KIAA1191: variants seen among roughly 807,000 people sequenced by gnomAD.
KIAA1191 encodes the protein putative monooxygenase p33MONOX.
In KIAA1191, 22 loss-of-function variants were observed where a neutral mutation model predicts 31.1. The observed-to-expected ratio is 0.71, with a 90% confidence interval of 0.51 to 1.01. The LOEUF (loss-of-function observed/expected upper bound fraction) is 1.01. Among genes scored for constraint, KIAA1191 ranks in the 50% least tolerant of loss-of-function variants. The probability of loss-of-function intolerance (pLI) is 0.00; values close to 1 mark genes in which losing one functional copy is unlikely to be tolerated. For missense variants in KIAA1191, 319 were observed against 388.0 expected, an observed-to-expected ratio of 0.82 and a Z score of 1.49; for synonymous variants, 130 against 143.9, an observed-to-expected ratio of 0.90 and a Z score of 0.69.
In KIAA1191 at chr5:176,347,522, T is replaced by G; in HGVS notation, c.*78A>C. ...AGCTGATTAAGTTTTTAAATATACC[T>G]TTCCTATGTCAAAGCCAAGGTAAAA... is the stretch of plus-strand genomic sequence containing the variant. On this transcript the variant is annotated 3_prime_UTR_variant, in exon 9 of 9. Coordinates refer to ENST00000298569, the MANE Select transcript of KIAA1191 (RefSeq NM_020444.5). 1 of 1,202,554 alleles carries G rather than the reference T, an allele frequency of 8.3e-7. No homozygotes were observed. Among genetic ancestry groups the G allele is most frequent in the South Asian group, 1.9e-5 (1 of 52,466 alleles). 74.5% of individuals were successfully genotyped at this position (1,202,554 alleles called of 1,614,324 possible).
At position 176,355,777 on chromosome 5, in the gene KIAA1191, G is replaced by C; in HGVS notation, c.29-28C>G. The C allele has an allele frequency of 6.2e-7, 1 of 1,609,504 alleles. No individual in the cohort carries two copies. Among genetic ancestry groups the C allele is most frequent in the East Asian group, 2.2e-5 (1 of 44,856 alleles). ...AAGAACAGAGACACCTGTCAAGACA[G>C]GTTCAGCAACTGGACATACTAGCAG... On this transcript the variant is annotated intron_variant, in intron 3 of 8. Transcript: ENST00000298569. This position sits in a 1 kb window ranked among gnomAD's most constrained non-coding sequence, Gnocchi z 4.2.
intron 5 of KIAA1191, among the ~76,000 whole-genome samples, chr5:176,352,173 A>C (rs1043494068): frequency 1.3e-4 from 19 of 151,642 alleles, no homozygotes; most frequent in East Asian, 7.7e-4. Context: ...AAAAACAAAA[A>C]AAAAAACAAA....
At chr5:176,358,881 G>A (rs2335414) in intron 3 of KIAA1191, among the ~76,000 whole-genome samples, 30,116 of 151,790 alleles carry the variant, frequency 0.2, 3,057 homozygotes, top group Middle Eastern at 0.29. Flanking sequence ...TCAAGAAATC[G>A]AGACCATCCT....
intron 5 of KIAA1191, 59 bp downstream of exon 5, chr5:176,352,563 G>A: frequency 6.3e-7 from 1 of 1,578,708 alleles, no homozygotes; most frequent in Middle Eastern, 2.1e-4. Context: ...CAGCTTGTAG[G>A]AAGCCTCAAC....
chr5:176,353,983 A>G (rs1767270264), intron 4 of KIAA1191, among the ~76,000 whole-genome samples: 2 of 152,216 alleles, frequency 1.3e-5, no homozygotes, highest in South Asian at 4.1e-4. Flanking sequence ...TGATAGAGGG[A>G]ATATCCCCCA....
rs1767985742 is a variant in KIAA1191 at position 176,361,283 on chromosome 5, A to G, written c.-168+319T>C. ...AAGATTAGGGCCAGGACCCTAGCCG[A>G]AGGCGGGGTGTGGGGAGATGAGGTT... is the stretch of plus-strand genomic sequence containing the variant. On this transcript the variant is annotated intron_variant, in intron 1 of 8. Transcript: ENST00000298569. The surrounding 1 kb of genome is among the most constrained non-coding windows in gnomAD (Gnocchi z 4.0). 1 of 152,368 alleles carries G rather than the reference A, an allele frequency of 6.6e-6. No homozygotes were observed. Among genetic ancestry groups the G allele is most frequent in the South Asian group, 2.1e-4 (1 of 4,844 alleles). 9.4% of individuals were successfully genotyped at this position (152,368 alleles called of 1,614,324 possible).
At position 176,361,617 on chromosome 5, in the gene KIAA1191, C is replaced by G. The variant is rs1236114769; in HGVS notation, c.-183G>C. The G allele has an allele frequency of 6.6e-6, 1 of 152,382 alleles. No individual in the cohort carries two copies. Among genetic ancestry groups the G allele is most frequent in the Non-Finnish European group, 1.5e-5 (1 of 68,162 alleles). The allele number at this position is 152,382 out of a possible 1,614,324, so 9.4% of individuals were successfully genotyped here. A position where few individuals can be genotyped will look rare whatever the true frequency, so the allele number is the denominator to read the frequency against. On this transcript the variant is annotated 5_prime_UTR_variant, in exon 1 of 9. Coordinates refer to ENST00000298569, the MANE Select transcript of KIAA1191 (RefSeq NM_020444.5). This position sits in a 1 kb window ranked among gnomAD's most constrained non-coding sequence, Gnocchi z 4.0. The stretch of plus-strand genomic sequence containing the variant: ...ATCTGTTCACCTGTGATCCTGCTGC[C>G]GCGGGACTGCCTGCGGCCCGGAGTC...
At chr5:176,360,117 A>C (rs539268430) in intron 1 of KIAA1191, among the ~76,000 whole-genome samples, 199 bp from the exon 2 acceptor site, 1 of 152,126 alleles carries the variant, frequency 6.6e-6, no homozygotes, top group East Asian at 1.9e-4. Flanking sequence ...TCCTTGCAGC[A>C]AGATGGCAAA....
At chr5:176,350,510 TC>T in intron 6 of KIAA1191, 102 bp downstream of exon 6, 1 of 1,426,334 alleles carries the variant, frequency 7.0e-7, no homozygotes. Context: ...CGAGACTAAC[TC>T]CACAGCCCCC....
At chr5:176,353,320 T>C (rs2113483985) in intron 4 of KIAA1191, 1 of 152,388 alleles carries the variant, frequency 6.6e-6, no homozygotes, top group Admixed American at 6.5e-5. Flanking sequence ...GTTCAAGTAA[T>C]GGTCTTTTGA....
At position 176,359,799 on chromosome 5, in the gene KIAA1191, A is replaced by G. The variant is rs1327948511; in HGVS notation, c.-60+12T>C. On this transcript the variant is annotated intron_variant, in intron 2 of 8. Coordinates refer to ENST00000298569, the MANE Select transcript of KIAA1191 (RefSeq NM_020444.5). Reference sequence around the variant, plus strand: ...AGCTAAGATGCCATACATGGTGAAAAAGTCACCTTACCACAGTGAAATGAT... The same window carrying G: ...AGCTAAGATGCCATACATGGTGAAAGAGTCACCTTACCACAGTGAAATGAT... 6.0e-6 allele frequency: 2 copies of G among 333,754 alleles called. No individual in the cohort carries two copies. The highest frequency in any genetic ancestry group is 4.1e-5 in the African/African-American group (2 of 48,252). The allele number at this position is 333,754 out of a possible 1,614,324, so 20.7% of individuals were successfully genotyped here. A position where few individuals can be genotyped will look rare whatever the true frequency, so the allele number is the denominator to read the frequency against.
intron 6 of KIAA1191, among the ~76,000 whole-genome samples, chr5:176,349,699 C>G (rs989361382): frequency 3.3e-5 from 5 of 152,242 alleles, no homozygotes; most frequent in African/African-American, 1.2e-4. Context: ...ATATCCCCAC[C>G]CACAGGCCAC....
intron 7 of KIAA1191, 43 bp downstream of exon 7, chr5:176,348,207 C>T: frequency 1.9e-6 from 3 of 1,605,704 alleles, no homozygotes; most frequent in Non-Finnish European, 2.6e-6. Flanking sequence ...ACTAGCTTTC[C>T]TGAAGCACGC....
rs766231994 is a variant in KIAA1191, at chr5:176,350,666, T to C, written c.406A>G (p.Lys136Glu). 1.9e-6 allele frequency: 3 copies of C among 1,614,074 alleles called. No homozygotes were observed. The highest frequency in any genetic ancestry group is 2.5e-6 in the Non-Finnish European group (3 of 1,179,992). ...GLRDAGYTPH[K>E]GLTTEETKYL... ...TTGGTCTCCTCGGTGGTGAGGCCCT[T>C]GTGGGGTGTGTAGCCAGCATCTCTC... The change falls in exon 6 of 9, where the codon AAG becomes GAG. Residue 136 changes from lysine to glutamate, a missense_variant. By Grantham distance (56) the Lys-to-Glu change is moderately conservative. Coordinates refer to ENST00000298569, the MANE Select transcript of KIAA1191 (RefSeq NM_020444.5).
chr5:176,348,584 G>A (rs183900410), intron 6 of KIAA1191, among the ~76,000 whole-genome samples: 1 of 150,076 alleles, frequency 6.7e-6, no homozygotes, highest in African/African-American at 2.5e-5. Context: ...GAACATCCCT[G>A]TACTTAAAGC....
intron 5 of KIAA1191, among the ~76,000 whole-genome samples, chr5:176,352,335 CTG>C (rs1432250274): frequency 5.3e-5 from 8 of 152,238 alleles, no homozygotes; most frequent in African/African-American, 1.9e-4. Context: ...GGGGCAGTCT[CTG>C]TAGTTAAGTA....
In KIAA1191 at chr5:176,347,604, A is replaced by C; in HGVS notation, c.914T>G (p.Phe305Cys). Residue 305 changes from phenylalanine to cysteine, a missense_variant, in exon 9 of 9, where the codon TTC becomes TGC. Phe to Cys is a radical substitution (Grantham distance 205, BLOSUM62 -2). Coordinates refer to ENST00000298569, the MANE Select transcript of KIAA1191 (RefSeq NM_020444.5). ...RDLNVLTPTG[F>C] ...AGAATCCCTGGAAAGAGGGCTCTAG[A>C]AGCCAGTGGGTGTGAGCACATTCAG... 1 of 1,495,636 alleles carries C rather than the reference A, an allele frequency of 6.7e-7. No individual in the cohort carries two copies. Among genetic ancestry groups the C allele is most frequent in the Non-Finnish European group, 8.9e-7 (1 of 1,122,546 alleles). 92.6% of individuals were successfully genotyped at this position (1,495,636 alleles called of 1,614,324 possible).
At position 176,346,330 on chromosome 5, in the gene KIAA1191, G is replaced by A. The variant is rs1332313965; in HGVS notation, c.*1270C>T. On this transcript the variant is annotated 3_prime_UTR_variant, in exon 9 of 9. Transcript: ENST00000298569. ...GGTTATGTGTTGCATAAAGGGATGA[G>A]GCTCATTTTGGTGAAAAATGCTTTC... The A allele has an allele frequency of 6.6e-6, 1 of 152,210 alleles. No homozygotes were observed. Among genetic ancestry groups the A allele is most frequent in the African/African-American group, 2.4e-5 (1 of 41,438 alleles). 9.4% of individuals were successfully genotyped at this position (152,210 alleles called of 1,614,324 possible). A position where few individuals can be genotyped will look rare whatever the true frequency, so the allele number is the denominator to read the frequency against.
At chr5:176,354,635 GAGGTACAGCATGAGGAC>G (rs1422521668) in intron 4 of KIAA1191, 15 of 152,490 alleles carry the variant, frequency 9.8e-5, no homozygotes, top group African/African-American at 2.9e-4. Flanking sequence ...GCTGAGGCTG[GAGGTACAGCATGAGGAC>G]AGGTACAGCA....
Sources: gnomAD v4.1 joint callset for allele counts (sites outside exome capture counted in the v4.1 genomes callset) on GRCh38, gnomAD v4.1.1 for gene constraint, Gnocchi (gnomAD v3.1) non-coding constraint, MANE v1.5 for transcripts, NCBI Gene and HGNC (gene_info 2026-07-23, HGNC 2026-07-21) for gene names.